EBF1: variants seen among roughly 807,000 people sequenced by gnomAD.
EBF1 encodes EBF transcription factor 1.
EBF1 carries 10 observed loss-of-function variants against 68.4 expected under a neutral mutation model. That is an observed-to-expected ratio of 0.15 (90% CI 0.09 to 0.25). The LOEUF is 0.25. Among genes scored for constraint, EBF1 ranks in the 10% least tolerant of loss-of-function variants. The probability of loss-of-function intolerance (pLI) is 1.00; values close to 1 mark genes in which losing one functional copy is unlikely to be tolerated. For missense variants in EBF1, 509 were observed against 794.4 expected (o/e 0.64, Z 4.32); for synonymous variants, 298 against 299.8 (o/e 0.99, Z 0.06).
At chr5:159,094,801 C>T (rs1429020881) in intron 4 of EBF1, among the ~76,000 whole-genome samples, 1 of 152,134 alleles carries the variant, frequency 6.6e-6, no homozygotes, top group Non-Finnish European at 1.5e-5. Context: ...ACTACCTAAC[C>T]AGCTACTTAA....
Position 159,097,113 on chromosome 5 carries a change from C to A in EBF1, c.152G>T (p.Arg51Leu). ...AGGCGGCTGCTTCTCAAAGTGAGCC[C>A]GGGCCAGACCCACCCCGCTGCGGCC... is the stretch of plus-strand genomic sequence containing the variant. ...TAAQSGVGLA[R>L]AHFEKQPPSN... is the part of the protein sequence containing the mutation. The change falls in exon 2 of 16, where the codon CGG (arginine) becomes CTG (leucine). Residue 51 changes from arginine to leucine, a missense_variant. Physicochemically the swap from Arg to Leu is moderately radical, Grantham distance 102. Coordinates refer to ENST00000313708, the MANE Select transcript of EBF1 (RefSeq NM_024007.5). 1 of 1,613,840 alleles carries A rather than the reference C, an allele frequency of 6.2e-7. No homozygotes were observed. The highest frequency in any genetic ancestry group is 8.5e-7 in the Non-Finnish European group (1 of 1,179,918).
intron 8 of EBF1, among the ~76,000 whole-genome samples, chr5:158,816,338 G>A (rs1482203406): frequency 1.3e-5 from 2 of 152,244 alleles, no homozygotes; most frequent in East Asian, 3.8e-4. Flanking sequence ...AAATCCTCTG[G>A]CATGTTTATC....
chr5:158,827,499 T>A (rs1786443915), intron 7 of EBF1, among the ~76,000 whole-genome samples: 1 of 152,208 alleles, frequency 6.6e-6, no homozygotes, highest in African/African-American at 2.4e-5. Flanking sequence ...GTAAATGAGA[T>A]GTCTCATCAG....
chr5:159,026,826 CTTTTT>C (rs1160280087), intron 6 of EBF1, among the ~76,000 whole-genome samples: 3 of 152,178 alleles, frequency 2.0e-5, no homozygotes, highest in Non-Finnish European at 4.4e-5. Context: ...TCAAACCTTC[CTTTTT>C]CTGCTCCTTG....
intron 6 of EBF1, among the ~76,000 whole-genome samples, chr5:158,866,614 C>T (rs1795903780): frequency 6.6e-6 from 1 of 151,760 alleles, no homozygotes; most frequent in African/African-American, 2.4e-5. Flanking sequence ...CCATACCGGG[C>T]CCTGTTATAT....
chr5:158,859,121 G>GA (rs1171638473), intron 6 of EBF1, among the ~76,000 whole-genome samples: 16 of 152,212 alleles, frequency 1.1e-4, no homozygotes, highest in Non-Finnish European at 2.1e-4. Flanking sequence ...ATGTTAATGT[G>GA]AAAAAAGGGC....
chr5:158,712,008 T>G, intron 14 of EBF1, 146 bp downstream of exon 14: 1 of 926,824 alleles, frequency 1.1e-6, no homozygotes, highest in South Asian at 1.7e-5. Flanking sequence ...GATGGTGCCT[T>G]TAGCACCATC....
At chr5:158,739,143 C>T (rs1274054959) in intron 10 of EBF1, among the ~76,000 whole-genome samples, 1 of 152,224 alleles carries the variant, frequency 6.6e-6, no homozygotes, top group Non-Finnish European at 1.5e-5. Context: ...GACACAAATG[C>T]TGTCTCTGAG....
At chr5:159,022,888 G>A (rs142377605) in intron 6 of EBF1, among the ~76,000 whole-genome samples, 11 of 152,228 alleles carry the variant, frequency 7.2e-5, no homozygotes, top group Middle Eastern at 3.4e-3. Context: ...AGAAGTACTC[G>A]AAGTTTTCTC....
At chr5:159,096,921 C>G (rs1357247633) in intron 2 of EBF1, 53 bp downstream of exon 2, 1 of 1,594,982 alleles carries the variant, frequency 6.3e-7, no homozygotes, top group Non-Finnish European at 8.5e-7. Flanking sequence ...GGCTCCCGGG[C>G]CTGCTCCCGA....
At chr5:158,774,623 G>A (rs1007111296) in intron 10 of EBF1, among the ~76,000 whole-genome samples, 4 of 152,054 alleles carry the variant, frequency 2.6e-5, no homozygotes, top group African/African-American at 7.2e-5. Flanking sequence ...CAAAGGAGGG[G>A]GCCGTACATT....
intron 11 of EBF1, among the ~76,000 whole-genome samples, chr5:158,715,756 A>G (rs1381273344): frequency 6.6e-5 from 10 of 152,168 alleles, no homozygotes; most frequent in Non-Finnish European, 1.5e-4. Flanking sequence ...ATAATTTACT[A>G]TTGTACGGGC....
At chr5:158,902,007 C>T (rs1206470575) in intron 6 of EBF1, among the ~76,000 whole-genome samples, 1 of 152,176 alleles carries the variant, frequency 6.6e-6, no homozygotes, top group African/African-American at 2.4e-5. Context: ...AGGAGAATCA[C>T]TTGAACCAGG....
intron 6 of EBF1, among the ~76,000 whole-genome samples, chr5:158,940,775 C>CCCCCCCCCCCCCCCCCCCT (rs1813154782): frequency 2.3e-5 from 1 of 43,380 alleles, no homozygotes; most frequent in African/African-American, 5.8e-5. Flanking sequence ...CCCCCCCCCC[C>CCCCCCCCCCCCCCCCCCCT]CCCCGCAGGT....
chr5:158,872,176 T>C (rs566220577), intron 6 of EBF1, among the ~76,000 whole-genome samples: 27 of 151,834 alleles, frequency 1.8e-4, no homozygotes, highest in Non-Finnish European at 3.2e-4. Flanking sequence ...TCTACCCAAG[T>C]AGAAAACTTT....
intron 7 of EBF1, among the ~76,000 whole-genome samples, chr5:158,828,746 T>C (rs927590114): frequency 1.3e-5 from 2 of 152,152 alleles, no homozygotes; most frequent in African/African-American, 4.8e-5. Context: ...TAAAATTATG[T>C]GAATAAAAAT....
chr5:158,996,787 C>T (rs989374007), intron 6 of EBF1, among the ~76,000 whole-genome samples: 3 of 152,154 alleles, frequency 2.0e-5, no homozygotes, highest in Admixed American at 6.5e-5. Flanking sequence ...TCACATCTTA[C>T]GTGTCTAAAT....
intron 10 of EBF1, among the ~76,000 whole-genome samples, chr5:158,771,444 A>ACAGC (rs1773867059): frequency 1.3e-5 from 2 of 152,252 alleles, no homozygotes; most frequent in African/African-American, 4.8e-5. Context: ...TTCTTAATTA[A>ACAGC]CAGCTCTTAT....
intron 14 of EBF1, among the ~76,000 whole-genome samples, chr5:158,708,599 G>C (rs1164194240): frequency 6.6e-6 from 1 of 152,202 alleles, no homozygotes; most frequent in East Asian, 1.9e-4. Context: ...ATGAGGGATA[G>C]AGTAGCACAA....
Sources: allele counts gnomAD v4.1 joint callset (sites outside exome capture counted in the v4.1 genomes callset), GRCh38; gene constraint gnomAD v4.1.1; transcripts MANE v1.5; gene names NCBI Gene and HGNC (gene_info 2026-07-23, HGNC 2026-07-21).